The following COL19A1 variants were observed in gnomAD, a reference collection of about 807,000 sequenced individuals.
COL19A1 encodes the protein collagen alpha-1(XIX) chain.
Under a neutral mutation model 190.2 loss-of-function variants are expected in COL19A1, and 159 were observed. The observed-to-expected ratio is 0.84, with a 90% CI of 0.73 to 0.95. The LOEUF is 0.95. COL19A1 is among the 40% of genes least tolerant of loss of function. COL19A1 has a pLI of 0.00. For synonymous variants in COL19A1, 509 were observed against 458.9 expected, an observed-to-expected ratio of 1.11 and a Z score of -1.39; for missense variants, 1,418 against 1,431.9, an observed-to-expected ratio of 0.99 and a Z score of 0.16.
chr6:69,924,492 C>T lies in COL19A1; in HGVS notation c.267-3417C>T, dbSNP rs899878892. Among the ~76,000 whole-genome samples, 5 of 152,270 alleles carry T rather than the reference C, an allele frequency of 3.3e-5. No individual in the cohort carries two copies. In the South Asian group the frequency reaches 6.2e-4, roughly 19 times the overall value. On this transcript the variant is annotated intron_variant, in intron 4 of 50. Transcript: ENST00000620364. The stretch of plus-strand genomic sequence containing the variant: ...GTATATGTGCCACATTTTCTTAATC[C>T]AGTCTATCATTGATGGACACGTGGG...
chr6:70,073,124 A>G (rs367603070), intron 15 of COL19A1, among the ~76,000 whole-genome samples: 1 of 152,034 alleles, frequency 6.6e-6, no homozygotes, highest in African/African-American at 2.4e-5. Context: ...AGTAGCTGGG[A>G]TTACAGGCAT....
At chr6:70,064,201 A>T (rs565779666) in intron 14 of COL19A1, among the ~76,000 whole-genome samples, 3 of 152,166 alleles carry the variant, frequency 2.0e-5, no homozygotes, top group African/African-American at 7.2e-5. Flanking sequence ...CCAATATCCC[A>T]GATGAACATC....
intron 14 of COL19A1, among the ~76,000 whole-genome samples, chr6:70,044,723 A>G (rs1779815401): frequency 6.6e-6 from 1 of 152,076 alleles, no homozygotes; most frequent in South Asian, 2.1e-4. Flanking sequence ...GATATGTTAG[A>G]TTTTTGATAA....
intron 11 of COL19A1, among the ~76,000 whole-genome samples, chr6:69,967,706 T>C (rs755998978): frequency 6.6e-5 from 10 of 152,364 alleles, no homozygotes; most frequent in Admixed American, 2.6e-4. Context: ...AAATGCCATA[T>C]GAGATATGTA....
chr6:69,919,038 C>G (rs1373055051), intron 4 of COL19A1, among the ~76,000 whole-genome samples: 1 of 152,134 alleles, frequency 6.6e-6, no homozygotes, highest in East Asian at 1.9e-4. Flanking sequence ...TCTCACATCC[C>G]CTCCTTTTTG....
intron 14 of COL19A1, among the ~76,000 whole-genome samples, chr6:70,043,651 C>G (rs1300878724): frequency 6.6e-6 from 1 of 152,140 alleles, no homozygotes; most frequent in Non-Finnish European, 1.5e-5. Flanking sequence ...TGTCAATGAG[C>G]AGGAATATTT....
At chr6:69,920,799 T>G (rs1276728596) in intron 4 of COL19A1, among the ~76,000 whole-genome samples, 1 of 150,948 alleles carries the variant, frequency 6.6e-6, no homozygotes, top group Non-Finnish European at 1.5e-5. Context: ...TTAGTATTAA[T>G]TTATGTGGAT....
rs56922945 is a variant in COL19A1, at chr6:69,982,973, AAAATAAATAAAT to A, written c.1026+20141_1026+20152del. On this transcript the variant is annotated intron_variant, in intron 11 of 50. Coordinates refer to ENST00000620364, the MANE Select transcript of COL19A1 (RefSeq NM_001858.6). ...AGCAACAGAGCGAGACTCTGTCTCAAAAATAAATAAATAAATAAATAAATAAATAAATAAATA... is the reference window on the plus strand; with the variant it reads ...AGCAACAGAGCGAGACTCTGTCTCAAAAATAAATAAATAAATAAATAAATA... 8.3e-3 allele frequency among the ~76,000 whole-genome samples: 1,096 copies of A among 132,602 alleles called. 20 individuals carry two copies. Among genetic ancestry groups the A allele is most frequent in the East Asian group, 0.078 (344 of 4,396 alleles). The allele number at this position is 132,602 out of a possible 152,430, so 87.0% of individuals were successfully genotyped here.
At position 70,055,836 on chromosome 6, in the gene COL19A1, T is replaced by C. The variant is rs1464116720; in HGVS notation, c.1171-12587T>C. ...ATTTTAATGACTGTAAATATTGTCA[T>C]GTGCAGAGCTAAGTGGTGTACCTTT... On this transcript the variant is annotated intron_variant, in intron 14 of 50. Coordinates refer to ENST00000620364, the MANE Select transcript of COL19A1 (RefSeq NM_001858.6). 2.6e-5 allele frequency among the ~76,000 whole-genome samples: 4 copies of C among 151,402 alleles called. No individual in the cohort carries two copies. The East Asian group carries it at 5.8e-4, about 22-fold the overall frequency.
Position 69,877,720 on chromosome 6 carries a change from T to TA in COL19A1, c.-32-1809dup, listed in dbSNP as rs561074614. 2.0e-3 allele frequency among the ~76,000 whole-genome samples: 309 copies of TA among 152,060 alleles called. 1 individual carries two copies. The highest frequency in any genetic ancestry group is 6.9e-3 in the African/African-American group (285 of 41,466). On this transcript the variant is annotated intron_variant, in intron 1 of 50. Coordinates refer to ENST00000620364, the MANE Select transcript of COL19A1 (RefSeq NM_001858.6). ...GCATAGGCAACTTAAACAACTGGAT[T>TA]AAAAAAATGGGCAAAGGAGGCTGGG...
intron 6 of COL19A1, 119 bp downstream of exon 6, chr6:69,929,819 A>G: frequency 1.1e-6 from 1 of 922,312 alleles, no homozygotes; most frequent in South Asian, 2.2e-5. Flanking sequence ...AATTTTATTA[A>G]TTTAATTAAT....
intron 15 of COL19A1, among the ~76,000 whole-genome samples, chr6:70,090,767 C>T (rs1016226168): frequency 1.3e-5 from 2 of 152,242 alleles, no homozygotes; most frequent in East Asian, 1.9e-4. Context: ...AACGGCTTCA[C>T]ATCACAATCA....
At chr6:69,995,516 CGTGTGATTTTTTT>C (rs1776853547) in intron 11 of COL19A1, among the ~76,000 whole-genome samples, 1 of 145,456 alleles carries the variant, frequency 6.9e-6, no homozygotes, top group African/African-American at 2.8e-5. Flanking sequence ...TAAGTAAAAC[CGTGTGATTTTTTT>C]TTTTTTTTAC....
At chr6:70,130,288 C>T in intron 18 of COL19A1, 65 bp downstream of exon 18, 1 of 1,377,388 alleles carries the variant, frequency 7.3e-7, no homozygotes, top group Non-Finnish European at 1.0e-6. Flanking sequence ...TGCAGTGGCA[C>T]AATCTTGGCT....
intron 15 of COL19A1, among the ~76,000 whole-genome samples, chr6:70,076,972 G>A (rs1781920804): frequency 6.6e-6 from 1 of 152,214 alleles, no homozygotes; most frequent in African/African-American, 2.4e-5. Flanking sequence ...GCGAATATAT[G>A]TGTGGATGGC....
At chr6:70,034,402 A>T in intron 13 of COL19A1, 104 bp downstream of exon 13, 1 of 839,476 alleles carries the variant, frequency 1.2e-6, no homozygotes, top group South Asian at 1.5e-5. Flanking sequence ...AGCATTCTAA[A>T]ATTAACCAAA....
chr6:69,886,510 T>G (rs1021407778), intron 2 of COL19A1, among the ~76,000 whole-genome samples: 1 of 152,184 alleles, frequency 6.6e-6, no homozygotes, highest in Admixed American at 6.5e-5. Context: ...ATCCCTACCT[T>G]GTGAAGATAT....
At chr6:69,946,076 G>T (rs536974097) in intron 9 of COL19A1, among the ~76,000 whole-genome samples, 3 of 151,834 alleles carry the variant, frequency 2.0e-5, no homozygotes, top group Admixed American at 1.3e-4. Flanking sequence ...GGAAAGTCAG[G>T]CATACTAAAT....
intron 18 of COL19A1, among the ~76,000 whole-genome samples, chr6:70,131,759 T>G (rs1198042518): frequency 2.0e-5 from 3 of 152,218 alleles, no homozygotes; most frequent in African/African-American, 7.2e-5. Context: ...ATTTAAATGA[T>G]GATTCATTTC....
Sources: allele counts gnomAD v4.1 joint callset (sites outside exome capture counted in the v4.1 genomes callset), GRCh38; gene constraint gnomAD v4.1.1; transcripts MANE v1.5; gene names NCBI Gene and HGNC (gene_info 2026-07-23, HGNC 2026-07-21).